ZFAND3: variants seen among roughly 807,000 people sequenced by gnomAD.
ZFAND3 encodes the protein AN1-type zinc finger protein 3.
In ZFAND3, 10 loss-of-function variants were observed where a neutral mutation model predicts 29.6. That is an observed-to-expected ratio of 0.34 (90% CI 0.21 to 0.57). ZFAND3 has a LOEUF of 0.57. Among genes scored for constraint, ZFAND3 ranks in the 20% least tolerant of loss-of-function variants. The pLI, the probability that ZFAND3 is intolerant of heterozygous loss-of-function variation, is 0.86. For synonymous variants in ZFAND3, 128 were observed against 112.6 expected, an observed-to-expected ratio of 1.14 and a Z score of -0.87; for missense variants, 230 against 304.5, an observed-to-expected ratio of 0.76 and a Z score of 1.82.
intron 1 of ZFAND3, among the ~76,000 whole-genome samples, chr6:37,926,121 G>T (rs1287305977): frequency 3.3e-5 from 5 of 152,168 alleles, no homozygotes; most frequent in African/African-American, 1.2e-4. Context: ...TCTGGGATTT[G>T]AGTGACATGA....
chr6:37,993,133 C>T (rs372866401), intron 2 of ZFAND3, among the ~76,000 whole-genome samples: 1 of 151,886 alleles, frequency 6.6e-6, no homozygotes, highest in African/African-American at 2.4e-5. Flanking sequence ...TGAGTTCAAT[C>T]TCACGTTTGG....
intron 2 of ZFAND3, among the ~76,000 whole-genome samples, chr6:37,955,981 T>C (rs1246726323): frequency 1.3e-5 from 2 of 152,062 alleles, no homozygotes; most frequent in Non-Finnish European, 2.9e-5. Flanking sequence ...GAGGGTGGTT[T>C]AGAGTCGGGG....
At chr6:38,046,879 T>C (rs944532568) in intron 2 of ZFAND3, among the ~76,000 whole-genome samples, 3 of 152,180 alleles carry the variant, frequency 2.0e-5, no homozygotes, top group African/African-American at 7.2e-5. Context: ...CAGATTTTTA[T>C]TAACGCTATT....
intron 2 of ZFAND3, among the ~76,000 whole-genome samples, chr6:38,051,374 T>C (rs1257825910): frequency 1.3e-5 from 2 of 152,226 alleles, no homozygotes; most frequent in Non-Finnish European, 2.9e-5. Context: ...CAAATACTTT[T>C]CTACTTTTCT....
chr6:37,846,535 C>T (rs1295664729), intron 1 of ZFAND3, among the ~76,000 whole-genome samples: 2 of 152,186 alleles, frequency 1.3e-5, no homozygotes, highest in Non-Finnish European at 2.9e-5. Context: ...CAGACCCTTT[C>T]ACATAAGTTG....
intron 4 of ZFAND3, among the ~76,000 whole-genome samples, chr6:38,093,515 TG>T (rs1245661742): frequency 1.3e-5 from 2 of 151,974 alleles, no homozygotes; most frequent in Non-Finnish European, 2.9e-5. Context: ...AGAAGAAGAA[TG>T]GGGGGTAAGG....
chr6:38,045,062 A>AC, intron 2 of ZFAND3, among the ~76,000 whole-genome samples: 2 of 132,494 alleles, frequency 1.5e-5, no homozygotes, highest in African/African-American at 5.4e-5. Flanking sequence ...TCTTTTATTT[A>AC]TTTATTTATT....
intron 1 of ZFAND3, among the ~76,000 whole-genome samples, chr6:37,926,269 A>G (rs1761482516): frequency 6.6e-6 from 1 of 152,366 alleles, no homozygotes; most frequent in Non-Finnish European, 1.5e-5. Context: ...AAAGTTGGTG[A>G]CAGAATAATA....
At chr6:38,012,566 A>G (rs1203361089) in intron 2 of ZFAND3, among the ~76,000 whole-genome samples, 3 of 151,894 alleles carry the variant, frequency 2.0e-5, no homozygotes, top group African/African-American at 4.8e-5. Context: ...TTTAGTAGAG[A>G]CTGGGCTTCA....
At chr6:38,073,330 A>G (rs1366987527) in intron 3 of ZFAND3, among the ~76,000 whole-genome samples, 1 of 145,848 alleles carries the variant, frequency 6.9e-6, no homozygotes. Flanking sequence ...TAGCTGAACT[A>G]TGTTTGAAAA....
intron 1 of ZFAND3, among the ~76,000 whole-genome samples, chr6:37,863,254 C>T (rs1384055728): frequency 6.6e-6 from 1 of 152,230 alleles, no homozygotes; most frequent in Non-Finnish European, 1.5e-5. Flanking sequence ...TAGAAGGAAA[C>T]CCACATTCCA....
At chr6:37,905,835 A>G (rs1341441851) in intron 1 of ZFAND3, among the ~76,000 whole-genome samples, 1 of 152,062 alleles carries the variant, frequency 6.6e-6, no homozygotes, top group Non-Finnish European at 1.5e-5. Context: ...TAAGGATTTA[A>G]CTGAAATTCA....
chr6:38,060,268 A>G lies in ZFAND3; in HGVS notation c.113-1325A>G, dbSNP rs539925243. On this transcript the variant is annotated intron_variant, in intron 2 of 5. Coordinates refer to ENST00000287218, the MANE Select transcript of ZFAND3 (RefSeq NM_021943.3). Reference sequence around the variant, plus strand: ...TGGCTTTGGAGAAGCCTCTTTTACTATTTTATAATGATCCTCTTCACCTCT... The same window carrying G: ...TGGCTTTGGAGAAGCCTCTTTTACTGTTTTATAATGATCCTCTTCACCTCT... Among the ~76,000 whole-genome samples the G allele has an allele frequency of 1.3e-3, 199 of 152,242 alleles. 4 individuals are homozygous for G. The highest frequency in any genetic ancestry group is 5.7e-4 in the Non-Finnish European group (39 of 68,018).
At chr6:37,842,909 G>T (rs1374159972) in intron 1 of ZFAND3, among the ~76,000 whole-genome samples, 2 of 151,022 alleles carry the variant, frequency 1.3e-5, no homozygotes, top group African/African-American at 4.9e-5. Context: ...GTCACTTGAG[G>T]TCTGGAGTTT....
chr6:37,914,022 G>GC (rs1761183429), intron 1 of ZFAND3, among the ~76,000 whole-genome samples: 1 of 152,070 alleles, frequency 6.6e-6, no homozygotes, highest in Non-Finnish European at 1.5e-5. Context: ...ACTGCACCTG[G>GC]CTGGCAGCTA....
At chr6:37,839,363 G>T (rs1474559976) in intron 1 of ZFAND3, among the ~76,000 whole-genome samples, 1 of 151,326 alleles carries the variant, frequency 6.6e-6, no homozygotes, top group Non-Finnish European at 1.5e-5. Flanking sequence ...TGTATTTTTA[G>T]TAGAGACGGG....
intron 2 of ZFAND3, among the ~76,000 whole-genome samples, chr6:37,930,329 T>C (rs1373093900): frequency 6.6e-6 from 1 of 152,176 alleles, no homozygotes; most frequent in Non-Finnish European, 1.5e-5. Context: ...TGTTGCTCTA[T>C]CAATGAGAAT....
intron 1 of ZFAND3, among the ~76,000 whole-genome samples, chr6:37,893,048 C>T (rs1441472751): frequency 6.6e-6 from 1 of 152,152 alleles, no homozygotes; most frequent in Non-Finnish European, 1.5e-5. Context: ...GTTCTACACA[C>T]ACACACACGC....
At chr6:37,950,065 C>T (rs1021618850) in intron 2 of ZFAND3, among the ~76,000 whole-genome samples, 2 of 152,216 alleles carry the variant, frequency 1.3e-5, no homozygotes, top group Non-Finnish European at 2.9e-5. Flanking sequence ...AATATTTTCT[C>T]CCATTCTGTA....
Sources: allele counts gnomAD v4.1 joint callset (sites outside exome capture counted in the v4.1 genomes callset), GRCh38; gene constraint gnomAD v4.1.1; transcripts MANE v1.5; gene names NCBI Gene and HGNC (gene_info 2026-07-23, HGNC 2026-07-21).